The following SLC35F3 variants were observed in gnomAD, a reference collection of about 807,000 sequenced individuals.
SLC35F3 encodes solute carrier family 35 member F3.
In SLC35F3, 25 loss-of-function variants were observed where a neutral mutation model predicts 49.9. That is an observed-to-expected ratio of 0.50 (90% CI 0.37 to 0.70). The LOEUF is 0.70. Ranked by LOEUF, SLC35F3 falls within the 30% of genes least tolerant of loss-of-function variation. The pLI is 0.00. For synonymous variants in SLC35F3, 275 were observed against 265.4 expected (o/e 1.04, Z -0.35); for missense variants, 525 against 639.8 (o/e 0.82, Z 1.94).
chr1:234,285,184 A>G (rs1262838214), intron 3 of SLC35F3: 1 of 317,710 alleles, frequency 3.1e-6, no homozygotes, highest in Non-Finnish European at 6.1e-6. Context: ...TACTCTTCAC[A>G]CTACGTGTAG....
At chr1:233,968,526 C>T (rs1313773342) in intron 2 of SLC35F3, among the ~76,000 whole-genome samples, 3 of 151,402 alleles carry the variant, frequency 2.0e-5, no homozygotes, top group East Asian at 1.9e-4. Context: ...TTCACTCTGT[C>T]ACCCATGCTG....
intron 2 of SLC35F3, among the ~76,000 whole-genome samples, chr1:234,108,285 T>TTATATATATAAAGATATATATTTA (rs59253152): frequency 2.4e-5 from 1 of 41,128 alleles, no homozygotes; most frequent in African/African-American, 8.5e-5. Context: ...TATATATTAT[T>TTATATATATAAAGATATATATTTA]TATATATAAA....
At chr1:234,247,018 G>A (rs889399862) in intron 3 of SLC35F3, among the ~76,000 whole-genome samples, 1 of 152,226 alleles carries the variant, frequency 6.6e-6, no homozygotes. Flanking sequence ...CCACAGCCAA[G>A]TTCAAGACCC....
chr1:234,267,906 G>C (rs1668021479), intron 3 of SLC35F3, among the ~76,000 whole-genome samples: 1 of 143,464 alleles, frequency 7.0e-6, no homozygotes, highest in African/African-American at 2.7e-5. Flanking sequence ...GGGCTGCCGG[G>C]CAGAGACGCT....
At chr1:233,937,367 T>C (rs1486318366) in intron 2 of SLC35F3, among the ~76,000 whole-genome samples, 2 of 152,242 alleles carry the variant, frequency 1.3e-5, no homozygotes, top group South Asian at 4.1e-4. Flanking sequence ...TCTGTTAAAA[T>C]CAAGATGTGA....
At chr1:233,951,214 G>A (rs1571993400) in intron 2 of SLC35F3, among the ~76,000 whole-genome samples, 1 of 151,618 alleles carries the variant, frequency 6.6e-6, no homozygotes, top group African/African-American at 2.4e-5. Context: ...ATGCAATGAT[G>A]CTGCCATAAG....
chr1:234,025,400 T>C (rs1316495724), intron 2 of SLC35F3, among the ~76,000 whole-genome samples: 1 of 152,258 alleles, frequency 6.6e-6, no homozygotes, highest in Non-Finnish European at 1.5e-5. Context: ...TCCAAACTGC[T>C]TCTCACAGTG....
In SLC35F3 at chr1:234,157,805, C is replaced by A. The variant is rs78601380; in HGVS notation, c.284-73612C>A. Reference sequence around the variant, plus strand: ...AATTTTATATTGTTCTGCATTCAGACCTGATCATGACATTTCTTCACCAGA... The same window carrying A: ...AATTTTATATTGTTCTGCATTCAGAACTGATCATGACATTTCTTCACCAGA... On this transcript the variant is annotated intron_variant, in intron 2 of 7. Transcript: ENST00000366618. Among the ~76,000 whole-genome samples the A allele has an allele frequency of 7.6e-3, 1,161 of 152,222 alleles. 18 individuals are homozygous for A. Among genetic ancestry groups the A allele is most frequent in the African/African-American group, 0.025 (1,048 of 41,534 alleles).
At chr1:234,207,416 T>TCC (rs1666988314) in intron 2 of SLC35F3, among the ~76,000 whole-genome samples, 12 of 3,056 alleles carry the variant, frequency 3.9e-3, no homozygotes, top group African/African-American at 0.011. Flanking sequence ...CCTCCTTCCT[T>TCC]TCTCCCTCCC....
chr1:234,208,939 C>G (rs909627615), intron 2 of SLC35F3, among the ~76,000 whole-genome samples: 1 of 152,216 alleles, frequency 6.6e-6, no homozygotes, highest in Non-Finnish European at 1.5e-5. Context: ...CTGAGGAGAT[C>G]CTTGGCTTTG....
chr1:234,321,411 C>T (rs1657617198), intron 7 of SLC35F3, among the ~76,000 whole-genome samples: 1 of 152,198 alleles, frequency 6.6e-6, no homozygotes, highest in African/African-American at 2.4e-5. Context: ...GATGAAATAA[C>T]CGATGAGACA....
At chr1:234,115,040 G>C (rs1665463985) in intron 2 of SLC35F3, among the ~76,000 whole-genome samples, 1 of 152,104 alleles carries the variant, frequency 6.6e-6, no homozygotes, top group African/African-American at 2.4e-5. Flanking sequence ...ATATGATGAG[G>C]TCTTCTGGCT....
At chr1:234,222,100 A>G (rs1290119445) in intron 2 of SLC35F3, among the ~76,000 whole-genome samples, 2 of 152,214 alleles carry the variant, frequency 1.3e-5, no homozygotes, top group Non-Finnish European at 2.9e-5. Flanking sequence ...TGGAAAGACT[A>G]GCTACATGAG....
At chr1:234,294,045 G>C (rs1304521384) in intron 3 of SLC35F3, among the ~76,000 whole-genome samples, 1 of 152,202 alleles carries the variant, frequency 6.6e-6, no homozygotes, top group Non-Finnish European at 1.5e-5. Flanking sequence ...CAGAGGGAGA[G>C]CCCTTGGGAT....
chr1:234,243,901 A>G (rs1329741778), intron 3 of SLC35F3, among the ~76,000 whole-genome samples: 3 of 152,352 alleles, frequency 2.0e-5, no homozygotes, highest in African/African-American at 7.2e-5. Context: ...TAATAAGCAG[A>G]TGGGCATTTT....
intron 2 of SLC35F3, among the ~76,000 whole-genome samples, chr1:234,162,648 T>C (rs2102914141): frequency 6.6e-6 from 1 of 152,228 alleles, no homozygotes; most frequent in African/African-American, 2.4e-5. Context: ...AGTGAGCAGA[T>C]TTCTCTTTAC....
chr1:234,073,957 C>T (rs1194972162), intron 2 of SLC35F3, among the ~76,000 whole-genome samples: 1 of 152,026 alleles, frequency 6.6e-6, no homozygotes, highest in Non-Finnish European at 1.5e-5. Flanking sequence ...GTATCATTGT[C>T]CAAGCTTTAG....
intron 3 of SLC35F3, among the ~76,000 whole-genome samples, chr1:234,235,012 G>T (rs72760038): frequency 0.097 from 14,750 of 152,174 alleles, 976 homozygotes; most frequent in Non-Finnish European, 0.14. Context: ...AACTACGAGA[G>T]TGCCAACCCC....
At chr1:234,082,333 A>G (rs781220363) in intron 2 of SLC35F3, among the ~76,000 whole-genome samples, 2 of 152,184 alleles carry the variant, frequency 1.3e-5, no homozygotes, top group Non-Finnish European at 2.9e-5. Context: ...CCACTACATC[A>G]TGCATTATTT....
Sources: allele counts gnomAD v4.1 joint callset (sites outside exome capture counted in the v4.1 genomes callset), GRCh38; gene constraint gnomAD v4.1.1; transcripts MANE v1.5; gene names NCBI Gene and HGNC (gene_info 2026-07-23, HGNC 2026-07-21).